DCAF13: variants seen among roughly 807,000 people sequenced by gnomAD.
DCAF13 encodes DDB1 and CUL4 associated factor 13.
In DCAF13, 38 loss-of-function variants were observed where a neutral mutation model predicts 59.0. The observed-to-expected ratio is 0.64, with a 90% CI of 0.50 to 0.84. The LOEUF is 0.84. Ranked by LOEUF, DCAF13 falls within the 40% of genes least tolerant of loss-of-function variation. The pLI, the probability that DCAF13 is intolerant of heterozygous loss-of-function variation, is 0.00. For missense variants in DCAF13, 469 were observed against 558.4 expected (o/e 0.84, Z 1.61); for synonymous variants, 173 against 175.0 (o/e 0.99, Z 0.09).
chr8:103,422,973 A>C (rs117739694), intron 3 of DCAF13, among the ~76,000 whole-genome samples: 7,884 of 152,210 alleles, frequency 0.052, 265 homozygotes, highest in Non-Finnish European at 0.078. Context: ...AATAGGTGTT[A>C]GTGTTAAAAG....
intron 1 of DCAF13, among the ~76,000 whole-genome samples, chr8:103,417,677 A>G (rs903618288): frequency 2.0e-5 from 3 of 151,324 alleles, no homozygotes; most frequent in African/African-American, 7.3e-5. Flanking sequence ...CTTTAATTAC[A>G]TGCTCTCATT....
chr8:103,440,437 C>A (rs1174134421), intron 9 of DCAF13, 166 bp downstream of exon 9: 1 of 545,886 alleles, frequency 1.8e-6, no homozygotes, highest in Non-Finnish European at 3.0e-6. Context: ...TAATTATTTG[C>A]TTCATTCTGA....
intron 7 of DCAF13, 92 bp downstream of exon 7, chr8:103,432,833 G>T: frequency 1.4e-6 from 1 of 726,008 alleles, no homozygotes; most frequent in East Asian, 2.6e-5. Flanking sequence ...CACTAGGTAG[G>T]TATACCTATA....
chr8:103,417,684 C>T (rs902092922), intron 1 of DCAF13, among the ~76,000 whole-genome samples: 4 of 150,856 alleles, frequency 2.7e-5, no homozygotes, highest in African/African-American at 7.3e-5. Context: ...TACATGCTCT[C>T]ATTAACATAC....
intron 5 of DCAF13, 80 bp downstream of exon 5, chr8:103,427,332 A>G (rs1816808595): frequency 4.0e-6 from 5 of 1,259,852 alleles, no homozygotes; most frequent in Non-Finnish European, 5.6e-6. Context: ...TGAATGTATG[A>G]TAGAAACTTC....
rs566111711 is a variant in DCAF13, at chr8:103,432,741, A to C, written c.785A>C (p.Asn262Thr). The change falls in exon 7 of 11, where the codon AAC becomes ACC. Residue 262 changes from asparagine (N) to threonine (T), a missense_variant and splice_region_variant. Coordinates refer to ENST00000612750, the MANE Select transcript of DCAF13 (RefSeq NM_015420.7). Reference protein sequence around the residue: ...FIFTAANEDYNLYTFDMRALD... With the variant: ...FIFTAANEDYTLYTFDMRALD... ...TTTACAGCAGCAAATGAAGATTATA[A>C]GTAAGTTTCCCTCTTTTAAAAACTT... 1 of 1,580,836 alleles carries C rather than the reference A, an allele frequency of 6.3e-7. No individual in the cohort carries two copies. Among genetic ancestry groups the C allele is most frequent in the Admixed American group, 1.7e-5 (1 of 59,812 alleles).
intron 3 of DCAF13, 82 bp downstream of exon 3, chr8:103,421,164 A>G (rs914342983): frequency 2.0e-6 from 2 of 996,624 alleles, no homozygotes; most frequent in African/African-American, 3.2e-5. Context: ...TTTCAAGTTC[A>G]TTTATTTGTT....
At position 103,443,080 on chromosome 8, in the gene DCAF13, G is replaced by T; in HGVS notation, c.*198G>T. 2.3e-6 allele frequency: 1 copy of T among 427,808 alleles called. No individual in the cohort carries two copies. Among genetic ancestry groups the T allele is most frequent in the Non-Finnish European group, 4.2e-6 (1 of 239,422 alleles). 26.5% of individuals were successfully genotyped at this position (427,808 alleles called of 1,614,324 possible). A position where few individuals can be genotyped will look rare whatever the true frequency, so the allele number is the denominator to read the frequency against. On this transcript the variant is annotated 3_prime_UTR_variant, in exon 11 of 11. Coordinates refer to ENST00000612750, the MANE Select transcript of DCAF13 (RefSeq NM_015420.7). ...GGTAAGACTGTTTTATCCTTAATCT[G>T]CATTCTTCTTTCATTGTAGAATACA...
chr8:103,435,692 A>T lies in DCAF13; in HGVS notation c.852A>T (p.Ala284=), dbSNP rs760192000. ...TGGTCCATATGGATCATGTATCTGC[A>T]GTGCTTGATGTGGATTACTCTCCCA... ...PVMVHMDHVS[A]VLDVDYSPTG... Residue 284 remains alanine, a synonymous_variant, in exon 8 of 11, where the codon GCA becomes GCT. Coordinates refer to ENST00000612750, the MANE Select transcript of DCAF13 (RefSeq NM_015420.7). 1 of 1,613,188 alleles carries T rather than the reference A, an allele frequency of 6.2e-7. No homozygotes were observed. The highest frequency in any genetic ancestry group is 1.7e-5 in the Admixed American group (1 of 60,000).
At chr8:103,440,876 A>G (rs1817001602) in intron 9 of DCAF13, 1 of 152,284 alleles carries the variant, frequency 6.6e-6, no homozygotes, top group South Asian at 2.1e-4. Context: ...AGAAATAAAT[A>G]TTAAGTTTAA....
In DCAF13 at chr8:103,420,434, A is replaced by C; in HGVS notation, c.241A>C (p.Thr81Pro). ...GGCAAAGCATCCAGAGAAGCTGGCT[A>C]CTGTCCTTTCTGGGGCGTGTGATGG... ...CLAKHPEKLA[T>P]VLSGACDGEV... Residue 81 changes from threonine (T) to proline (P), a missense_variant, in exon 2 of 11, where the codon ACT (threonine) becomes CCT (proline). Physicochemically the swap from Thr to Pro is conservative, Grantham distance 38. This residue lies in a region of DCAF13 where 355 missense variants were observed against 399.1 expected (regional missense o/e 0.89). Transcript: ENST00000612750. 1 of 1,613,996 alleles carries C rather than the reference A, an allele frequency of 6.2e-7. No individual in the cohort carries two copies. Among genetic ancestry groups the C allele is most frequent in the Non-Finnish European group, 8.5e-7 (1 of 1,179,944 alleles).
In DCAF13 at chr8:103,441,704, G is replaced by T. The variant is rs1440506704; in HGVS notation, c.1250+86G>T. On this transcript the variant is annotated intron_variant, in intron 10 of 10. Coordinates refer to ENST00000612750, the MANE Select transcript of DCAF13 (RefSeq NM_015420.7). ...AAACAAAGTTAACTGCCATTCAAGG[G>T]AGTAGTTTATGTGCTATTATTTAAT... is the stretch of plus-strand genomic sequence containing the variant. The T allele has an allele frequency of 2.3e-6, 3 of 1,289,056 alleles. No individual in the cohort carries two copies. The African/African-American group carries it at 4.5e-5, about 20-fold the overall frequency. 79.9% of individuals were successfully genotyped at this position (1,289,056 alleles called of 1,614,324 possible).
intron 7 of DCAF13, among the ~76,000 whole-genome samples, chr8:103,434,148 C>A (rs1252092489): frequency 6.6e-6 from 1 of 151,742 alleles, no homozygotes; most frequent in Non-Finnish European, 1.5e-5. Context: ...GTATTTTTTT[C>A]TTTTATTGCC....
intron 8 of DCAF13, among the ~76,000 whole-genome samples, chr8:103,437,487 C>T (rs939971140): frequency 3.3e-5 from 5 of 152,162 alleles, no homozygotes; most frequent in Non-Finnish European, 7.3e-5. Flanking sequence ...AGAAAACTCA[C>T]ATTATTCCAA....
At chr8:103,435,327 C>T (rs968549928) in intron 7 of DCAF13, among the ~76,000 whole-genome samples, 1 of 151,906 alleles carries the variant, frequency 6.6e-6, no homozygotes, top group South Asian at 2.1e-4. Context: ...AATAACTGGC[C>T]TCTGGGTAGT....
intron 5 of DCAF13, 73 bp downstream of exon 5, chr8:103,427,325 A>C: frequency 7.5e-7 from 1 of 1,340,438 alleles, no homozygotes; most frequent in Non-Finnish European, 1.0e-6. Context: ...AAACTTTTGA[A>C]TGTATGATAG....
intron 8 of DCAF13, among the ~76,000 whole-genome samples, chr8:103,436,338 AAAAGT>A (rs921516266): frequency 5.9e-5 from 9 of 152,200 alleles, no homozygotes; most frequent in African/African-American, 2.2e-4. Flanking sequence ...AAAAAGAAAT[AAAAGT>A]AAGTTTAAAT....
In DCAF13 at chr8:103,432,654, C is replaced by T. The variant is rs1279611158; in HGVS notation, c.703-5C>T. On this transcript the variant is annotated splice_region_variant and splice_polypyrimidine_tract_variant and intron_variant, in intron 6 of 10. Transcript: ENST00000612750. ...TGGGAAATTCATCCATTCTTCCTTTCTCAGGTTATCTTAGATATGAGAACA... is the reference window on the plus strand; with the variant it reads ...TGGGAAATTCATCCATTCTTCCTTTTTCAGGTTATCTTAGATATGAGAACA... 3 of 1,563,642 alleles carry T rather than the reference C, an allele frequency of 1.9e-6. No individual in the cohort carries two copies. The highest frequency in any genetic ancestry group is 1.8e-6 in the Non-Finnish European group (2 of 1,139,950).
chr8:103,432,845 A>C, intron 7 of DCAF13, 104 bp downstream of exon 7: 1 of 639,352 alleles, frequency 1.6e-6, no homozygotes, highest in Non-Finnish European at 2.6e-6. Context: ...ATACCTATAA[A>C]GTTTGAAAAC....
Sources: allele counts gnomAD v4.1 joint callset (sites outside exome capture counted in the v4.1 genomes callset), GRCh38; gene constraint gnomAD v4.1.1; regional missense constraint gnomAD v4.1.1; transcripts MANE v1.5; gene names NCBI Gene and HGNC (gene_info 2026-07-23, HGNC 2026-07-21).